The following RASAL2 variants were observed in gnomAD, a reference collection of about 807,000 sequenced individuals.
RASAL2 encodes the protein RAS protein activator like 2.
Under a neutral mutation model 128.9 loss-of-function variants are expected in RASAL2, and 58 were observed. The observed-to-expected ratio is 0.45, with a 90% CI of 0.36 to 0.56. RASAL2 has a LOEUF of 0.56. Among genes scored for constraint, RASAL2 ranks in the 20% least tolerant of loss-of-function variants. The pLI, the probability that RASAL2 is intolerant of heterozygous loss-of-function variation, is 0.00. For missense variants in RASAL2, 1,360 were observed against 1,601.6 expected (o/e 0.85, Z 2.57); for synonymous variants, 561 against 580.8 (o/e 0.97, Z 0.49).
chr1:178,352,522 G>A (rs1349291196), intron 3 of RASAL2, among the ~76,000 whole-genome samples: 3 of 152,104 alleles, frequency 2.0e-5, no homozygotes, highest in African/African-American at 4.8e-5. Context: ...GGCTGTTATT[G>A]AGTGCTGGCA....
chr1:178,357,927 G>A (rs1350539708), intron 3 of RASAL2, among the ~76,000 whole-genome samples: 1 of 151,896 alleles, frequency 6.6e-6, no homozygotes, highest in Non-Finnish European at 1.5e-5. Context: ...GTCTCTTATT[G>A]AAGTATATTT....
chr1:178,156,687 C>T (rs1259422757), intron 1 of RASAL2, among the ~76,000 whole-genome samples: 1 of 152,104 alleles, frequency 6.6e-6, no homozygotes, highest in African/African-American at 2.4e-5. Context: ...TTTAACGTGA[C>T]CTGTTGAGTA....
chr1:178,215,125 T>G (rs1457916230), intron 1 of RASAL2, among the ~76,000 whole-genome samples: 1 of 152,222 alleles, frequency 6.6e-6, no homozygotes, highest in Non-Finnish European at 1.5e-5. Context: ...ATCATCCAAC[T>G]GATATATAGC....
chr1:178,450,929 A>C (rs139884896), intron 9 of RASAL2, among the ~76,000 whole-genome samples: 2 of 152,194 alleles, frequency 1.3e-5, no homozygotes. Flanking sequence ...TAAACAGGTA[A>C]GGTAGGAATT....
chr1:178,456,544 G>A (rs776806926), intron 12 of RASAL2, 177 bp from the exon 13 acceptor site: 62 of 701,364 alleles, frequency 8.8e-5, no homozygotes, highest in Admixed American at 4.3e-4. Flanking sequence ...TCATCTCGAC[G>A]CCATGGTTCT....
At chr1:178,228,543 G>A (rs1289428253) in intron 1 of RASAL2, among the ~76,000 whole-genome samples, 2 of 152,176 alleles carry the variant, frequency 1.3e-5, no homozygotes, top group East Asian at 1.9e-4. Context: ...GCGTGCCACT[G>A]CACTCCTGGG....
intron 1 of RASAL2, among the ~76,000 whole-genome samples, chr1:178,271,499 T>C (rs1293495700): frequency 6.6e-6 from 1 of 152,212 alleles, no homozygotes; most frequent in Non-Finnish European, 1.5e-5. Context: ...AATAAGGCAT[T>C]ATGGAGCTCT....
At chr1:178,353,234 C>T (rs1670614166) in intron 3 of RASAL2, among the ~76,000 whole-genome samples, 1 of 152,178 alleles carries the variant, frequency 6.6e-6, no homozygotes, top group Non-Finnish European at 1.5e-5. Context: ...AGTTTTACGT[C>T]ATGTCTTTGC....
At chr1:178,282,232 T>C (rs1454414751) in intron 1 of RASAL2, among the ~76,000 whole-genome samples, 1 of 152,168 alleles carries the variant, frequency 6.6e-6, no homozygotes, top group Admixed American at 6.5e-5. Context: ...TGAATTATCT[T>C]TGGGGGGAGT....
chr1:178,215,800 A>G (rs562220030), intron 1 of RASAL2, among the ~76,000 whole-genome samples: 1 of 152,314 alleles, frequency 6.6e-6, no homozygotes, highest in South Asian at 2.1e-4. Context: ...AAGAATTATC[A>G]CTGAATCAGT....
Position 178,395,793 on chromosome 1 carries a change from T to TA in RASAL2, c.564+5587_564+5588insA, listed in dbSNP as rs879578177. Among the ~76,000 whole-genome samples, 147 of 124,594 alleles carry TA rather than the reference T, an allele frequency of 1.2e-3. 4 individuals are homozygous for TA. The highest frequency in any genetic ancestry group is 4.8e-3 in the African/African-American group (135 of 28,262). 81.7% of individuals were successfully genotyped at this position (124,594 alleles called of 152,430 possible). A position where few individuals can be genotyped will look rare whatever the true frequency, so the allele number is the denominator to read the frequency against. On this transcript the variant is annotated intron_variant, in intron 4 of 17. Transcript: ENST00000367649. The stretch of plus-strand genomic sequence containing the variant: ...ACAGTATATATATATATATATATAT[T>TA]TATTTATTCATATGTGTATGAATGT...
chr1:178,186,119 C>A (rs1662282927), intron 1 of RASAL2, among the ~76,000 whole-genome samples: 1 of 151,616 alleles, frequency 6.6e-6, no homozygotes, highest in Admixed American at 6.6e-5. Context: ...TAAATTACAT[C>A]TTTTAAGGAA....
intron 1 of RASAL2, among the ~76,000 whole-genome samples, chr1:178,128,484 G>T (rs1390096117): frequency 6.6e-6 from 1 of 152,010 alleles, no homozygotes; most frequent in African/African-American, 2.4e-5. Context: ...TGATTTTGTT[G>T]TTTTTATTTG....
intron 1 of RASAL2, among the ~76,000 whole-genome samples, chr1:178,278,337 C>A (rs1229057912): frequency 6.6e-6 from 1 of 152,140 alleles, no homozygotes. Flanking sequence ...CCTGTCTTAT[C>A]TGTGTGGCTG....
At chr1:178,349,869 G>A (rs1291425114) in intron 3 of RASAL2, among the ~76,000 whole-genome samples, 2 of 152,126 alleles carry the variant, frequency 1.3e-5, no homozygotes, top group African/African-American at 4.8e-5. Context: ...ATTGTGAAAT[G>A]TGAAAATATC....
chr1:178,125,737 A>G (rs1465550501), intron 1 of RASAL2, among the ~76,000 whole-genome samples: 1 of 152,162 alleles, frequency 6.6e-6, no homozygotes, highest in Non-Finnish European at 1.5e-5. Flanking sequence ...GTTATTTTTC[A>G]TTTCCTTTTC....
chr1:178,443,660 G>GT (rs1676816183), intron 8 of RASAL2, among the ~76,000 whole-genome samples: 1 of 152,142 alleles, frequency 6.6e-6, no homozygotes, highest in Admixed American at 6.6e-5. Flanking sequence ...AGCATATTGA[G>GT]TATTAGCAAG....
At position 178,358,237 on chromosome 1, in the gene RASAL2, TAAAAAAAA is replaced by T. The variant is rs71567191; in HGVS notation, c.458-31841_458-31834del. 3.2e-4 allele frequency among the ~76,000 whole-genome samples: 11 copies of T among 34,776 alleles called. 1 individual carries two copies. Among genetic ancestry groups the T allele is most frequent in the African/African-American group, 6.6e-4 (10 of 15,124 alleles). 22.8% of individuals were successfully genotyped at this position (34,776 alleles called of 152,430 possible). On this transcript the variant is annotated intron_variant, in intron 3 of 17. Coordinates refer to ENST00000367649, the MANE Select transcript of RASAL2 (RefSeq NM_170692.4). ...CGTGACAGAGTGAGACTCTGTCTCC[TAAAAAAAA>T]AAAAAAAAAAAAAAAAAAAAAGGAA...
chr1:178,222,167 G>A (rs1663637582), intron 1 of RASAL2, among the ~76,000 whole-genome samples: 1 of 151,910 alleles, frequency 6.6e-6, no homozygotes, highest in Non-Finnish European at 1.5e-5. Flanking sequence ...CGTATAGTTA[G>A]GTTTTGTTTT....
Sources: gnomAD v4.1 joint callset for allele counts (sites outside exome capture counted in the v4.1 genomes callset) on GRCh38, gnomAD v4.1.1 for gene constraint, MANE v1.5 for transcripts, NCBI Gene and HGNC (gene_info 2026-07-23, HGNC 2026-07-21) for gene names.